TGM4: variants seen among roughly 807,000 people sequenced by gnomAD.
The protein encoded by TGM4 is protein-glutamine gamma-glutamyltransferase 4.
TGM4 carries 61 observed loss-of-function variants against 76.3 expected under a neutral mutation model. The observed-to-expected ratio is 0.80, with a 90% CI of 0.65 to 0.99. TGM4 has a LOEUF of 0.99. Among genes scored for constraint, TGM4 ranks in the 50% least tolerant of loss-of-function variants. The probability of loss-of-function intolerance (pLI) is 0.00; values close to 1 mark genes in which losing one functional copy is unlikely to be tolerated. For missense variants in TGM4, 794 were observed against 843.2 expected, an observed-to-expected ratio of 0.94 and a Z score of 0.72; for synonymous variants, 337 against 329.8, an observed-to-expected ratio of 1.02 and a Z score of -0.24.
chr3:44,876,289 G>A (rs1016700611), intron 1 of TGM4: 4 of 152,256 alleles, frequency 2.6e-5, no homozygotes, highest in African/African-American at 9.6e-5. Flanking sequence ...TTGGTGAGGG[G>A]AGCTGACGCT....
intron 1 of TGM4, among the ~76,000 whole-genome samples, chr3:44,878,077 G>A (rs1699473297): frequency 6.6e-6 from 1 of 151,884 alleles, no homozygotes; most frequent in Non-Finnish European, 1.5e-5. Flanking sequence ...CTTCAGCCCA[G>A]GAGGTCGAGG....
Position 44,901,800 on chromosome 3 carries a change from A to G in TGM4, c.840A>G (p.Arg280=). The stretch of plus-strand genomic sequence containing the variant: ...CACCCTGGATCATTTCAGTGCTGAG[A>G]GCGTTGGGCATCCCAGCACGCAGTG... The part of the protein sequence containing the change: ...VFAGILTTVL[R]ALGIPARSVT... The change falls in exon 8 of 14, where the codon AGA becomes AGG. Residue 280 remains arginine (R), a synonymous_variant. Transcript: ENST00000296125. The G allele has an allele frequency of 6.2e-7, 1 of 1,614,076 alleles. No homozygotes were observed. Among genetic ancestry groups the G allele is most frequent in the Non-Finnish European group, 8.5e-7 (1 of 1,179,992 alleles).
Position 44,890,752 on chromosome 3 carries a change from T to C in TGM4, c.430+20T>C. On this transcript the variant is annotated intron_variant, in intron 4 of 13. Coordinates refer to ENST00000296125, the MANE Select transcript of TGM4 (RefSeq NM_003241.4). ...GTAAAGGTACTGTGAATCTCAGGTC[T>C]GCTGGGGAATGGCAGGTGACCCCGG... The C allele has an allele frequency of 6.2e-7, 1 of 1,612,802 alleles. No individual in the cohort carries two copies. The highest frequency in any genetic ancestry group is 8.5e-7 in the Non-Finnish European group (1 of 1,179,184).
At chr3:44,910,908 T>TG (rs746010863) in intron 11 of TGM4, 50 bp from the exon 12 acceptor site, 19 of 1,583,402 alleles carry the variant, frequency 1.2e-5, no homozygotes, top group South Asian at 6.8e-5. Flanking sequence ...GAACTCATAC[T>TG]GGGGGGGTAT....
chr3:44,897,123 G>A (rs1699790614), intron 6 of TGM4, among the ~76,000 whole-genome samples: 1 of 150,334 alleles, frequency 6.7e-6, no homozygotes, highest in Admixed American at 6.7e-5. Flanking sequence ...CTCTGCCTCA[G>A]CCTCCGGAGT....
In TGM4 at chr3:44,885,513, C is replaced by T. The variant is rs751865519; in HGVS notation, c.193+15C>T. The T allele has an allele frequency of 1.9e-6, 3 of 1,602,974 alleles. No homozygotes were observed. Among genetic ancestry groups the T allele is most frequent in the African/African-American group, 1.3e-5 (1 of 74,698 alleles). On this transcript the variant is annotated intron_variant, in intron 2 of 13. Coordinates refer to ENST00000296125, the MANE Select transcript of TGM4 (RefSeq NM_003241.4). ...ATTCAGCACAGGTGAAGCCTCGGGG[C>T]CCTACTCATGGGGCTTTGGGGAGGG...
At chr3:44,897,079 C>A (rs1396426796) in intron 6 of TGM4, among the ~76,000 whole-genome samples, 1 of 148,282 alleles carries the variant, frequency 6.7e-6, no homozygotes, top group African/African-American at 2.5e-5. Flanking sequence ...TCTTGGCTCA[C>A]TGCAACCTCC....
chr3:44,903,366 T>C (rs1317946952), intron 8 of TGM4, among the ~76,000 whole-genome samples: 2 of 152,350 alleles, frequency 1.3e-5, no homozygotes, highest in Middle Eastern at 6.8e-3. Context: ...ATTCAGAGAC[T>C]GGCCAGTTAC....
In TGM4 at chr3:44,903,917, G is replaced by C; in HGVS notation, c.1005G>C (p.Lys335Asn). 5 of 1,614,228 alleles carry C rather than the reference G, an allele frequency of 3.1e-6. No individual in the cohort carries two copies. The highest frequency in any genetic ancestry group is 4.2e-6 in the Non-Finnish European group (5 of 1,180,044). Residue 335 changes from lysine to asparagine, a missense_variant, in exon 9 of 14, where the codon AAG (lysine) becomes AAC (asparagine). Physicochemically the swap from Lys to Asn is moderately conservative, Grantham distance 94 (BLOSUM62 0). Transcript: ENST00000296125. ...ATGTGTGGACGGATGCCTGGATGAA[G>C]CGACCGGATCTGCCCAAGGGCTACG... ...NFHVWTDAWM[K>N]RPDLPKGYDG...
intron 1 of TGM4, among the ~76,000 whole-genome samples, chr3:44,881,261 A>G (rs1699528546): frequency 1.3e-5 from 2 of 152,066 alleles, no homozygotes; most frequent in Admixed American, 6.6e-5. Flanking sequence ...TGTCCTGATC[A>G]TTTATTCATT....
intron 1 of TGM4, 149 bp from the exon 2 acceptor site, chr3:44,885,176 T>C: frequency 2.7e-6 from 2 of 750,844 alleles, no homozygotes; most frequent in Non-Finnish European, 4.3e-6. Flanking sequence ...CTCAGACAGA[T>C]TCATAACCAG....
At chr3:44,901,498 T>C (rs1397489869) in intron 6 of TGM4, 26 bp from the exon 7 acceptor site, 2 of 1,582,134 alleles carry the variant, frequency 1.3e-6, no homozygotes, top group East Asian at 2.3e-5. Flanking sequence ...GGGCGGACAC[T>C]GACCCCACCC....
Position 44,874,669 on chromosome 3 carries a change from A to G in TGM4, c.-10A>G. Reference sequence around the variant, plus strand: ...GTCTTCCCTGGCATTGCAGGAGAGAATCTGAAGGGATGATGGATGCATCAA... The same window carrying G: ...GTCTTCCCTGGCATTGCAGGAGAGAGTCTGAAGGGATGATGGATGCATCAA... On this transcript the variant is annotated 5_prime_UTR_variant, in exon 1 of 14. Coordinates refer to ENST00000296125, the MANE Select transcript of TGM4 (RefSeq NM_003241.4). 1 of 1,614,160 alleles carries G rather than the reference A, an allele frequency of 6.2e-7. No homozygotes were observed. The highest frequency in any genetic ancestry group is 2.2e-5 in the East Asian group (1 of 44,888).
intron 4 of TGM4, among the ~76,000 whole-genome samples, chr3:44,891,899 C>T (rs1007497181): frequency 2.7e-5 from 4 of 150,870 alleles, no homozygotes; most frequent in Admixed American, 6.6e-5. Flanking sequence ...GGCGTGAACC[C>T]GGGAGGCAGA....
chr3:44,898,655 C>T (rs1278991235), intron 6 of TGM4, among the ~76,000 whole-genome samples: 15 of 152,156 alleles, frequency 9.9e-5, no homozygotes, highest in Admixed American at 8.5e-4. Flanking sequence ...TGAACTGCTG[C>T]GACAGACGGA....
intron 3 of TGM4, 23 bp downstream of exon 3, chr3:44,887,818 G>A (rs909479460): frequency 6.2e-7 from 1 of 1,609,004 alleles, no homozygotes; most frequent in Non-Finnish European, 8.5e-7. Context: ...TGGGCTGGCG[G>A]GTGGGCTGGC....
Position 44,893,674 on chromosome 3 carries a change from C to T in TGM4, c.528C>T (p.Cys176=), listed in dbSNP as rs747828265. The T allele has an allele frequency of 4.3e-6, 7 of 1,613,854 alleles. No individual in the cohort carries two copies. The South Asian group carries it at 6.6e-5, about 15-fold the overall frequency. The part of the protein sequence containing the change: ...HYVGAARSIK[C]KPWNFGQFEK... ...TGGGGGCTGCCAGAAGTATCAAATG[C>T]AAACCCTGGAACTTTGGTCAGGTAA... The change falls in exon 5 of 14, where the codon TGC becomes TGT. Residue 176 remains cysteine (C), a synonymous_variant. Coordinates refer to ENST00000296125, the MANE Select transcript of TGM4 (RefSeq NM_003241.4).
At chr3:44,896,391 G>A (rs915898499) in intron 5 of TGM4, among the ~76,000 whole-genome samples, 2 of 152,156 alleles carry the variant, frequency 1.3e-5, no homozygotes, top group Admixed American at 6.5e-5. Flanking sequence ...GATTACAGGC[G>A]TGAGCCACCG....
chr3:44,891,778 T>G (rs1287894967), intron 4 of TGM4, among the ~76,000 whole-genome samples: 2 of 150,798 alleles, frequency 1.3e-5, no homozygotes, highest in African/African-American at 4.9e-5. Context: ...ATCGAGACCA[T>G]CCTGGCTAAC....
Sources: gnomAD v4.1 joint callset for allele counts (sites outside exome capture counted in the v4.1 genomes callset) on GRCh38, gnomAD v4.1.1 for gene constraint, MANE v1.5 for transcripts, NCBI Gene and HGNC (gene_info 2026-07-23, HGNC 2026-07-21) for gene names.